PNISR: variants seen among roughly 807,000 people sequenced by gnomAD.
PNISR encodes the protein PNN interacting serine and arginine rich protein, also known as arginine/serine-rich protein PNISR.
A neutral mutation model predicts 93.4 loss-of-function variants in PNISR; 20 were observed. The ratio of observed to expected loss-of-function variants is 0.21; its 90% CI spans 0.15 to 0.31. PNISR has a LOEUF of 0.31. PNISR is among the 10% of genes least tolerant of loss of function. The pLI, the probability that PNISR is intolerant of heterozygous loss-of-function variation, is 1.00. For missense variants in PNISR, 893 were observed against 985.4 expected, an observed-to-expected ratio of 0.91 and a Z score of 1.25; for synonymous variants, 305 against 306.5, an observed-to-expected ratio of 0.99 and a Z score of 0.05.
chr6:99,402,189 A>G (rs1279209593), intron 11 of PNISR, among the ~76,000 whole-genome samples: 2 of 152,234 alleles, frequency 1.3e-5, no homozygotes, highest in African/African-American at 4.8e-5. Context: ...TCCTAGTATT[A>G]GGTAAAGTAT....
chr6:99,410,583 A>G, intron 5 of PNISR, 158 bp downstream of exon 5: 1 of 537,152 alleles, frequency 1.9e-6, no homozygotes, highest in Non-Finnish European at 3.3e-6. Context: ...ACAAATTCTA[A>G]TTATTTTAAT....
intron 1 of PNISR, among the ~76,000 whole-genome samples, chr6:99,417,127 T>A (rs1049091737): frequency 7.9e-5 from 12 of 152,238 alleles, no homozygotes; most frequent in African/African-American, 2.9e-4. Context: ...ATAATTTTTC[T>A]GTCTTAAGTT....
intron 5 of PNISR, 183 bp downstream of exon 5, chr6:99,410,558 T>TA (rs1227136521): frequency 7.4e-6 from 4 of 539,446 alleles, no homozygotes; most frequent in East Asian, 2.8e-5. Flanking sequence ...CCTAATGAAA[T>TA]AAAAAAATCA....
At chr6:99,409,480 CGA>C (rs1362491532) in intron 5 of PNISR, 136 bp from the exon 6 acceptor site, 1 of 687,504 alleles carries the variant, frequency 1.5e-6, no homozygotes, top group Non-Finnish European at 2.3e-6. Context: ...TAATATCCAC[CGA>C]TACTTCTATG....
intron 8 of PNISR, among the ~76,000 whole-genome samples, 193 bp downstream of exon 8, chr6:99,405,838 C>A (rs1776093998): frequency 6.6e-6 from 1 of 152,066 alleles, no homozygotes; most frequent in African/African-American, 2.4e-5. Flanking sequence ...ATTACCCCAG[C>A]CTGAAATCAA....
chr6:99,409,628 C>A, intron 5 of PNISR: 1 of 269,276 alleles, frequency 3.7e-6, no homozygotes, highest in Non-Finnish European at 7.1e-6. Flanking sequence ...ACAAGCTAAT[C>A]CTACCAACAC....
intron 1 of PNISR, among the ~76,000 whole-genome samples, chr6:99,424,077 G>C (rs1779055230): frequency 6.6e-6 from 1 of 152,136 alleles, no homozygotes; most frequent in South Asian, 2.1e-4. Flanking sequence ...TTTTAGAGGG[G>C]CACAAGTCAG....
chr6:99,401,756 T>C, intron 11 of PNISR, 126 bp from the exon 12 acceptor site: 2 of 667,774 alleles, frequency 3.0e-6, no homozygotes, highest in Non-Finnish European at 4.3e-6. Context: ...GCAAGCCATG[T>C]AAGTAATTCA....
rs1351880352 is a variant in PNISR at position 99,400,355 on chromosome 6, T to G, written c.*185A>C. On this transcript the variant is annotated 3_prime_UTR_variant, in exon 12 of 12. Coordinates refer to ENST00000369239, the MANE Select transcript of PNISR (RefSeq NM_032870.4). ...GACAAAATTTAAAAATAAAAATGTA[T>G]TTTAAATTAAAAATCTGCAATTTTA... The G allele has an allele frequency of 4.3e-6, 5 of 1,174,854 alleles. No individual in the cohort carries two copies. Among genetic ancestry groups the G allele is most frequent in the Non-Finnish European group, 1.1e-6 (1 of 944,916 alleles). 72.8% of individuals were successfully genotyped at this position (1,174,854 alleles called of 1,614,324 possible). A position where few individuals can be genotyped will look rare whatever the true frequency, so the allele number is the denominator to read the frequency against.
chr6:99,416,396 GC>G lies in PNISR; in HGVS notation c.-80del. The G allele has an allele frequency of 8.2e-7, 1 of 1,220,288 alleles. No homozygotes were observed. Among genetic ancestry groups the G allele is most frequent in the Admixed American group, 4.2e-5 (1 of 23,686 alleles). 75.6% of individuals were successfully genotyped at this position (1,220,288 alleles called of 1,614,324 possible). ...AAAACTTAGGTTGATTCAGACTACA[GC>G]TTCGAAGCATAGCAGCAAGATTATG... On this transcript the variant is annotated 5_prime_UTR_variant, in exon 2 of 12. An upstream open reading frame in the 5' UTR gains an earlier in-frame stop. Transcript: ENST00000369239.
chr6:99,410,241 T>C (rs574240722), intron 5 of PNISR: 24 of 155,834 alleles, frequency 1.5e-4, no homozygotes, highest in Non-Finnish European at 3.1e-4. Context: ...TAGGAATGAA[T>C]TGGATGCTAC....
At chr6:99,416,498 G>T in intron 1 of PNISR, 70 bp from the exon 2 acceptor site, 1 of 486,896 alleles carries the variant, frequency 2.1e-6, no homozygotes, top group Non-Finnish European at 3.3e-6. Flanking sequence ...TTCTAGAGAT[G>T]CAACATAAGT....
intron 7 of PNISR, among the ~76,000 whole-genome samples, chr6:99,407,819 T>C (rs944100956): frequency 3.3e-5 from 5 of 152,230 alleles, no homozygotes; most frequent in African/African-American, 1.2e-4. Flanking sequence ...GAGTCATCTG[T>C]ACCACAATGA....
intron 10 of PNISR, 111 bp from the exon 11 acceptor site, chr6:99,402,821 A>ATCT: frequency 2.6e-6 from 2 of 766,678 alleles, no homozygotes; most frequent in South Asian, 5.4e-5. Flanking sequence ...TTTTCCCAGA[A>ATCT]GAATACGCTT....
intron 11 of PNISR, among the ~76,000 whole-genome samples, chr6:99,402,126 T>C (rs1401028865): frequency 6.6e-6 from 1 of 152,236 alleles, no homozygotes; most frequent in African/African-American, 2.4e-5. Context: ...TAACTCTTAA[T>C]TACCTTAGAT....
intron 3 of PNISR, among the ~76,000 whole-genome samples, chr6:99,413,211 A>C (rs1257257790): frequency 6.6e-6 from 1 of 152,058 alleles, no homozygotes; most frequent in East Asian, 1.9e-4. Context: ...GCAGCTACCT[A>C]ACTCTGTTTT....
At chr6:99,401,984 T>G (rs952976714) in intron 11 of PNISR, among the ~76,000 whole-genome samples, 1 of 152,164 alleles carries the variant, frequency 6.6e-6, no homozygotes, top group Non-Finnish European at 1.5e-5. Flanking sequence ...GTTACCCTCC[T>G]GGACAGTGTA....
At position 99,413,637 on chromosome 6, in the gene PNISR, G is replaced by A. The variant is rs150999972; in HGVS notation, c.89-898C>T. Among the ~76,000 whole-genome samples, 19 of 152,162 alleles carry A rather than the reference G, an allele frequency of 1.2e-4. No individual in the cohort carries two copies. The East Asian group carries it at 3.7e-3, about 29-fold the overall frequency. On this transcript the variant is annotated intron_variant, in intron 3 of 11. Coordinates refer to ENST00000369239, the MANE Select transcript of PNISR (RefSeq NM_032870.4). ...CACCGCACCTGGCCTCTCTTCCCAA[G>A]CATCTACATTTAACATTTCAAGATC...
In PNISR at chr6:99,425,282, T is replaced by C. The variant is rs1053264178; in HGVS notation, c.-179A>G. 18 of 1,232,024 alleles carry C rather than the reference T, an allele frequency of 1.5e-5. No homozygotes were observed. Among genetic ancestry groups the C allele is most frequent in the Non-Finnish European group, 1.8e-5 (18 of 987,932 alleles). The allele number at this position is 1,232,024 out of a possible 1,614,324, so 76.3% of individuals were successfully genotyped here. ...ACACCTCTCCAACGCTTTCGATGCT[T>C]CTACTTCTTCGGGAACAAGACAAGA... On this transcript the variant is annotated 5_prime_UTR_variant, in exon 1 of 12. Transcript: ENST00000369239.
Sources: allele counts gnomAD v4.1 joint callset (sites outside exome capture counted in the v4.1 genomes callset), GRCh38; gene constraint gnomAD v4.1.1; transcripts MANE v1.5; gene names NCBI Gene and HGNC (gene_info 2026-07-23, HGNC 2026-07-21).